The following STK32B variants were observed in gnomAD, a reference collection of about 807,000 sequenced individuals.
The protein encoded by STK32B is serine/threonine-protein kinase 32B.
STK32B carries 43 observed loss-of-function variants against 52.6 expected under a neutral mutation model. That is an observed-to-expected ratio of 0.82 (90% confidence interval 0.64 to 1.05). STK32B has a LOEUF of 1.05. STK32B is among the 50% of genes least tolerant of loss of function. STK32B has a pLI of 0.00. For synonymous variants in STK32B, 238 were observed against 204.3 expected, an observed-to-expected ratio of 1.17 and a Z score of -1.41; for missense variants, 621 against 534.6, an observed-to-expected ratio of 1.16 and a Z score of -1.59.
chr4:5,249,976 T>C (rs1725798261), intron 3 of STK32B, among the ~76,000 whole-genome samples: 1 of 152,154 alleles, frequency 6.6e-6, no homozygotes, highest in Admixed American at 6.5e-5. Context: ...ACTCAATGTT[T>C]AGCTCCTACT....
At chr4:5,402,508 C>T (rs527678419) in intron 5 of STK32B, among the ~76,000 whole-genome samples, 61 of 152,228 alleles carry the variant, frequency 4.0e-4, no homozygotes, top group South Asian at 8.3e-4. Context: ...GGAAGTGGTT[C>T]GCTTGTTGCA....
At chr4:5,417,019 C>A in intron 6 of STK32B, 85 bp downstream of exon 6, 1 of 1,213,166 alleles carries the variant, frequency 8.2e-7, no homozygotes, top group Non-Finnish European at 1.2e-6. Flanking sequence ...TCTGCCACTG[C>A]CCGCTGCCAC....
chr4:5,084,232 C>T (rs138820762), intron 1 of STK32B, among the ~76,000 whole-genome samples: 1 of 152,298 alleles, frequency 6.6e-6, no homozygotes, highest in East Asian at 1.9e-4. Context: ...ATATTTACCC[C>T]ATTTTGACTT....
intron 3 of STK32B, among the ~76,000 whole-genome samples, chr4:5,180,623 GAC>G (rs1460682473): frequency 6.6e-6 from 1 of 152,150 alleles, no homozygotes; most frequent in Non-Finnish European, 1.5e-5. Flanking sequence ...ACCAGAAGAG[GAC>G]ACAGTGTGGA....
intron 3 of STK32B, among the ~76,000 whole-genome samples, chr4:5,249,475 CTT>C (rs1725745039): frequency 1.4e-5 from 2 of 141,992 alleles, no homozygotes; most frequent in Non-Finnish European, 3.0e-5. Flanking sequence ...TCCTTCCTTC[CTT>C]CCTTCCTTCC....
chr4:5,111,805 A>C (rs77437971), intron 1 of STK32B, among the ~76,000 whole-genome samples: 1 of 152,084 alleles, frequency 6.6e-6, no homozygotes, highest in Non-Finnish European at 1.5e-5. Context: ...ATTCTATCTC[A>C]GTTTGGGTTT....
chr4:5,486,537 G>A (rs1719224603), intron 11 of STK32B, among the ~76,000 whole-genome samples: 1 of 152,256 alleles, frequency 6.6e-6, no homozygotes, highest in Admixed American at 6.5e-5. Context: ...CTTCCAAGGT[G>A]AGGCGATGCC....
intron 11 of STK32B, among the ~76,000 whole-genome samples, chr4:5,483,662 TC>T (rs1198907363): frequency 6.6e-6 from 1 of 152,166 alleles, no homozygotes; most frequent in Non-Finnish European, 1.5e-5. Flanking sequence ...CTTTTCTAGT[TC>T]TTTTAATTGT....
chr4:5,432,867 C>A (rs903390728), intron 6 of STK32B, among the ~76,000 whole-genome samples: 1 of 151,026 alleles, frequency 6.6e-6, no homozygotes, highest in African/African-American at 2.4e-5. Context: ...GCCGTTTTCT[C>A]TTCACAATAA....
At chr4:5,081,119 T>C (rs1397116648) in intron 1 of STK32B, among the ~76,000 whole-genome samples, 1 of 152,056 alleles carries the variant, frequency 6.6e-6, no homozygotes, top group Non-Finnish European at 1.5e-5. Context: ...TTGTAGCAAA[T>C]GGCAATATTT....
intron 1 of STK32B, among the ~76,000 whole-genome samples, chr4:5,087,576 TGATA>T (rs1712803681): frequency 2.0e-5 from 3 of 151,632 alleles, no homozygotes; most frequent in Admixed American, 6.6e-5. Context: ...ACAAATAATT[TGATA>T]GATAGATAGA....
At chr4:5,437,404 C>G (rs1714182420) in intron 6 of STK32B, among the ~76,000 whole-genome samples, 1 of 152,246 alleles carries the variant, frequency 6.6e-6, no homozygotes, top group Admixed American at 6.5e-5. Flanking sequence ...CGTTCCTTGG[C>G]TTGTGGCCGC....
intron 3 of STK32B, among the ~76,000 whole-genome samples, chr4:5,247,099 C>G (rs1045282448): frequency 6.6e-6 from 1 of 152,242 alleles, no homozygotes; most frequent in Admixed American, 6.5e-5. Flanking sequence ...CTCTTCAAAG[C>G]TGTCAGACAG....
chr4:5,473,700 T>A (rs1156322445), intron 11 of STK32B, among the ~76,000 whole-genome samples: 1 of 152,130 alleles, frequency 6.6e-6, no homozygotes, highest in Non-Finnish European at 1.5e-5. Context: ...ATTATACAAA[T>A]TAACATGACC....
chr4:5,333,634 T>A (rs1287029198), intron 4 of STK32B, among the ~76,000 whole-genome samples: 8 of 152,284 alleles, frequency 5.3e-5, no homozygotes, highest in Non-Finnish European at 8.8e-5. Flanking sequence ...ACTTTAATCC[T>A]TTTTGAATTA....
At chr4:5,143,125 G>GTCTGTCTGTCTA (rs1553835302) in intron 2 of STK32B, among the ~76,000 whole-genome samples, 1 of 99,998 alleles carries the variant, frequency 1.0e-5, no homozygotes, top group Non-Finnish European at 2.3e-5. Context: ...CTGTCTGTCT[G>GTCTGTCTGTCTA]TCTGTCTATC....
At chr4:5,053,175 C>T (rs1001895702) in intron 1 of STK32B, among the ~76,000 whole-genome samples, 10 of 152,202 alleles carry the variant, frequency 6.6e-5, no homozygotes, top group African/African-American at 9.6e-5. Flanking sequence ...GTCAGGCCCA[C>T]GAGAGCCTTC....
chr4:5,466,795 G>T lies in STK32B; in HGVS notation c.1002G>T (p.Lys334Asn). ...PLHKKKKRLA[K>N]NRSRDGTKDS... ...ACAAAAAGAAGAAGCGATTGGCAAA[G>T]AACAGATCCAGGGATGGCACAAAGG... The change falls in exon 10 of 12, where the codon AAG (lysine) becomes AAT (asparagine). Residue 334 changes from lysine to asparagine, a missense_variant. By Grantham distance (94) the Lys-to-Asn change is moderately conservative. Transcript: ENST00000282908. The T allele has an allele frequency of 6.2e-7, 1 of 1,613,998 alleles. No homozygotes were observed. The highest frequency in any genetic ancestry group is 8.5e-7 in the Non-Finnish European group (1 of 1,179,930).
At chr4:5,415,379 A>T (rs1192881376) in intron 5 of STK32B, among the ~76,000 whole-genome samples, 1 of 152,200 alleles carries the variant, frequency 6.6e-6, no homozygotes, top group Non-Finnish European at 1.5e-5. Context: ...AGCTACTCCC[A>T]ACAAAGCTGA....
Sources: allele counts gnomAD v4.1 joint callset (sites outside exome capture counted in the v4.1 genomes callset), GRCh38; gene constraint gnomAD v4.1.1; transcripts MANE v1.5; gene names NCBI Gene and HGNC (gene_info 2026-07-23, HGNC 2026-07-21).